EIF4EBP2: variants seen among roughly 807,000 people sequenced by gnomAD.
The protein encoded by EIF4EBP2 is eukaryotic translation initiation factor 4E binding protein 2.
In EIF4EBP2, 5 loss-of-function variants were observed where a neutral mutation model predicts 10.3. The observed-to-expected ratio is 0.48, with a 90% CI of 0.25 to 1.02. The LOEUF is 1.02. EIF4EBP2 is among the 50% of genes least tolerant of loss of function. The pLI, the probability that EIF4EBP2 is intolerant of heterozygous loss-of-function variation, is 0.15. For missense variants in EIF4EBP2, 188 were observed against 162.2 expected, an observed-to-expected ratio of 1.16 and a Z score of -0.86; for synonymous variants, 67 against 61.1, an observed-to-expected ratio of 1.10 and a Z score of -0.45.
At chr10:70,404,630 G>A (rs1218290588) in intron 1 of EIF4EBP2, 84 bp downstream of exon 1, 5 of 1,392,462 alleles carry the variant, frequency 3.6e-6, no homozygotes, top group South Asian at 1.6e-5. Flanking sequence ...CGGCCGCTTC[G>A]CCCCCGCCCC....
Position 70,404,241 on chromosome 10 carries a change from G to A in EIF4EBP2, c.-161G>A. The A allele has an allele frequency of 1.1e-6, 1 of 893,544 alleles. No homozygotes were observed. 55.4% of individuals were successfully genotyped at this position (893,544 alleles called of 1,614,324 possible). ...TCGAGCGGCGGCGGCGGCGGCGGCT[G>A]AGAGGGCGGCGGCGGGAGCGGAGCG... On this transcript the variant is annotated 5_prime_UTR_variant, in exon 1 of 3. Transcript: ENST00000373218.
intron 2 of EIF4EBP2, among the ~76,000 whole-genome samples, chr10:70,420,956 G>A (rs1267379635): frequency 1.3e-5 from 2 of 152,006 alleles, no homozygotes; most frequent in African/African-American, 4.8e-5. Flanking sequence ...CACCACGCCC[G>A]GCTAATTTTT....
chr10:70,423,092 C>G lies in EIF4EBP2; in HGVS notation c.*1345C>G, dbSNP rs1845174668. ...TGAGAATATCTGTCACTCCTCTTATCTGAGAAGTGACCTTTTATTTTTAAG... is the reference window on the plus strand; with the variant it reads ...TGAGAATATCTGTCACTCCTCTTATGTGAGAAGTGACCTTTTATTTTTAAG... On this transcript the variant is annotated 3_prime_UTR_variant, in exon 3 of 3. Transcript: ENST00000373218. 1 of 152,606 alleles carries G rather than the reference C, an allele frequency of 6.6e-6. No homozygotes were observed. The highest frequency in any genetic ancestry group is 1.5e-5 in the Non-Finnish European group (1 of 68,040). 9.5% of individuals were successfully genotyped at this position (152,606 alleles called of 1,614,324 possible). A position where few individuals can be genotyped will look rare whatever the true frequency, so the allele number is the denominator to read the frequency against.
chr10:70,420,005 A>G lies in EIF4EBP2; in HGVS notation c.237A>G (p.Pro79=). 6.2e-7 allele frequency: 1 copy of G among 1,613,504 alleles called. No individual in the cohort carries two copies. The highest frequency in any genetic ancestry group is 8.5e-7 in the Non-Finnish European group (1 of 1,179,802). The part of the protein sequence containing the change: ...QTPPCHLPNI[P]GVTSPGTLIE... ...CACCCTGCCACCTGCCCAATATCCC[A>G]GGAGTCACTAGCCCTGGCACCTTAA... Residue 79 remains proline (P), a synonymous_variant, in exon 2 of 3, where the codon CCA becomes CCG. Coordinates refer to ENST00000373218, the MANE Select transcript of EIF4EBP2 (RefSeq NM_004096.5).
intron 1 of EIF4EBP2, among the ~76,000 whole-genome samples, chr10:70,412,021 T>C (rs1564661302): frequency 1.3e-5 from 2 of 152,216 alleles, no homozygotes; most frequent in Non-Finnish European, 1.5e-5. Context: ...ATTTTTTAAA[T>C]GGCAAGGTGC....
chr10:70,415,159 A>G lies in EIF4EBP2; in HGVS notation c.146-4755A>G, dbSNP rs918792877. On this transcript the variant is annotated intron_variant, in intron 1 of 2. Transcript: ENST00000373218. ...GACGACAGAGCAAGACCCTCTCTCG[A>G]AAAAAAAAAAAAAGAAAAGAAAAAG... Among the ~76,000 whole-genome samples, 5 of 134,706 alleles carry G rather than the reference A, an allele frequency of 3.7e-5. No individual in the cohort carries two copies. In the East Asian group the frequency reaches 6.6e-4, roughly 18 times the overall value. The allele number at this position is 134,706 out of a possible 152,430, so 88.4% of individuals were successfully genotyped here.
Position 70,424,338 on chromosome 10 carries a change from C to T in EIF4EBP2, c.*2591C>T, listed in dbSNP as rs1057435908. On this transcript the variant is annotated 3_prime_UTR_variant, in exon 3 of 3. Transcript: ENST00000373218. ...CCCTTACCCTTCTCTGCAAGGACTT[C>T]CTTACAGCTTGGTGCAGTTCTTTCC... The T allele has an allele frequency of 1.3e-5, 2 of 152,218 alleles. No individual in the cohort carries two copies. Among genetic ancestry groups the T allele is most frequent in the African/African-American group, 4.8e-5 (2 of 41,456 alleles). The allele number at this position is 152,218 out of a possible 1,614,324, so 9.4% of individuals were successfully genotyped here.
At chr10:70,416,941 G>C (rs1224929300) in intron 1 of EIF4EBP2, among the ~76,000 whole-genome samples, 1 of 152,162 alleles carries the variant, frequency 6.6e-6, no homozygotes, top group Non-Finnish European at 1.5e-5. Flanking sequence ...GGGATTACAG[G>C]TGTGAGCCAT....
intron 1 of EIF4EBP2, among the ~76,000 whole-genome samples, chr10:70,415,558 G>A: frequency 6.6e-6 from 1 of 152,182 alleles, no homozygotes; most frequent in Non-Finnish European, 1.5e-5. Context: ...AGACAGTGGG[G>A]TACTAGCATA....
intron 1 of EIF4EBP2, 81 bp from the exon 2 acceptor site, chr10:70,419,833 A>T: frequency 9.7e-7 from 1 of 1,027,076 alleles, no homozygotes; most frequent in Non-Finnish European, 1.4e-6. Context: ...ATTACATGGG[A>T]TTTAAATTAA....
At chr10:70,408,349 C>T (rs544738891) in intron 1 of EIF4EBP2, among the ~76,000 whole-genome samples, 1 of 152,142 alleles carries the variant, frequency 6.6e-6, no homozygotes, top group Non-Finnish European at 1.5e-5. Flanking sequence ...CTTCTGACCT[C>T]GTGATCTGCC....
rs150577060 is a variant in EIF4EBP2 at position 70,422,044 on chromosome 10, T to C, written c.*297T>C. The C allele has an allele frequency of 2.3e-3, 895 of 396,506 alleles. 4 individuals carry two copies. The highest frequency in any genetic ancestry group is 0.016 in the African/African-American group (800 of 50,424). 24.6% of individuals were successfully genotyped at this position (396,506 alleles called of 1,614,324 possible). A position where few individuals can be genotyped will look rare whatever the true frequency, so the allele number is the denominator to read the frequency against. On this transcript the variant is annotated 3_prime_UTR_variant, in exon 3 of 3. Coordinates refer to ENST00000373218, the MANE Select transcript of EIF4EBP2 (RefSeq NM_004096.5). ...GAAAACAGTTCAACTCTGACTTTCCTAGTTGTTTTTTTATTGAGAGCCACC... is the reference window on the plus strand; with the variant it reads ...GAAAACAGTTCAACTCTGACTTTCCCAGTTGTTTTTTTATTGAGAGCCACC...
At chr10:70,407,959 C>A (rs1251178277) in intron 1 of EIF4EBP2, among the ~76,000 whole-genome samples, 1 of 30,938 alleles carries the variant, frequency 3.2e-5, no homozygotes, top group African/African-American at 1.4e-4. Flanking sequence ...ACCTCCTGGA[C>A]GGGGCGGCTG....
chr10:70,406,554 G>T lies in EIF4EBP2; in HGVS notation c.145+2008G>T, dbSNP rs192595948. ...TATATATTAATCCCCTGAGGGAAGA[G>T]CCACCTAGACACGTTTTTGGCTTAT... On this transcript the variant is annotated intron_variant, in intron 1 of 2. Transcript: ENST00000373218. Among the ~76,000 whole-genome samples the T allele has an allele frequency of 2.7e-5, 4 of 150,906 alleles. No individual in the cohort carries two copies. In the East Asian group the frequency reaches 7.7e-4, roughly 29 times the overall value.
In EIF4EBP2 at chr10:70,421,784, G is replaced by A. The variant is rs1301906197; in HGVS notation, c.*37G>A. ...GGATTAGAAGAAAAGCAGCAACACT[G>A]ATACTTGTGTGCACCTGATTTGGCC... On this transcript the variant is annotated 3_prime_UTR_variant, in exon 3 of 3. Transcript: ENST00000373218. The A allele has an allele frequency of 1.2e-6, 2 of 1,606,858 alleles. No individual in the cohort carries two copies.
At position 70,421,771 on chromosome 10, in the gene EIF4EBP2, A is replaced by G. The variant is rs773514131; in HGVS notation, c.*24A>G. 9 of 1,611,058 alleles carry G rather than the reference A, an allele frequency of 5.6e-6. No homozygotes were observed. Among genetic ancestry groups the G allele is most frequent in the Non-Finnish European group, 7.6e-6 (9 of 1,178,796 alleles). ...GACTCTCCTGCAAGGATTAGAAGAA[A>G]AGCAGCAACACTGATACTTGTGTGC... On this transcript the variant is annotated 3_prime_UTR_variant, in exon 3 of 3. Transcript: ENST00000373218.
At chr10:70,416,778 C>T (rs1313682319) in intron 1 of EIF4EBP2, among the ~76,000 whole-genome samples, 3 of 151,640 alleles carry the variant, frequency 2.0e-5, no homozygotes, top group African/African-American at 7.3e-5. Flanking sequence ...GATCCTCCCA[C>T]CTCAGCCTCC....
At chr10:70,410,322 G>A (rs531458172) in intron 1 of EIF4EBP2, among the ~76,000 whole-genome samples, 1 of 152,272 alleles carries the variant, frequency 6.6e-6, no homozygotes, top group East Asian at 1.9e-4. Flanking sequence ...CGCCCACCTC[G>A]GCCTCCCAGA....
Position 70,424,481 on chromosome 10 carries a change from C to T in EIF4EBP2, c.*2734C>T, listed in dbSNP as rs1845188173. 6.6e-6 allele frequency: 1 copy of T among 152,138 alleles called. No homozygotes were observed. The highest frequency in any genetic ancestry group is 2.4e-5 in the African/African-American group (1 of 41,420). The allele number at this position is 152,138 out of a possible 1,614,324, so 9.4% of individuals were successfully genotyped here. On this transcript the variant is annotated 3_prime_UTR_variant, in exon 3 of 3. Transcript: ENST00000373218. ...CAATAGATGATACCTTTGTGTCATG[C>T]CTCATGGAATTATTTTTAGAACAAG...
Sources: gnomAD v4.1 joint callset for allele counts (sites outside exome capture counted in the v4.1 genomes callset) on GRCh38, gnomAD v4.1.1 for gene constraint, MANE v1.5 for transcripts, NCBI Gene and HGNC (gene_info 2026-07-23, HGNC 2026-07-21) for gene names.